The following CBLB variants were observed in gnomAD, a reference collection of about 807,000 sequenced individuals.
CBLB encodes Cbl proto-oncogene B.
Under a neutral mutation model 104.9 loss-of-function variants are expected in CBLB, and 31 were observed. The observed-to-expected ratio is 0.30, with a 90% CI of 0.22 to 0.40. CBLB has a LOEUF of 0.40. Ranked by LOEUF, CBLB falls within the 10% of genes least tolerant of loss-of-function variation. CBLB has a pLI of 1.00. For synonymous variants in CBLB, 440 were observed against 422.6 expected (o/e 1.04, Z -0.51); for missense variants, 1,062 against 1,214.6 (o/e 0.87, Z 1.87).
intron 18 of CBLB, among the ~76,000 whole-genome samples, chr3:105,668,289 G>A (rs1214272624): frequency 6.6e-6 from 1 of 152,072 alleles, no homozygotes; most frequent in Non-Finnish European, 1.5e-5. Flanking sequence ...ATGCTAATAG[G>A]GATTCATACT....
rs529883141 is a variant in CBLB at position 105,868,551 on chromosome 3, C to G, written c.-15+185G>C. 6.6e-4 allele frequency: 228 copies of G among 344,118 alleles called. 3 individuals carry two copies. In the East Asian group the frequency reaches 0.013, roughly 19 times the overall value. 21.3% of individuals were successfully genotyped at this position (344,118 alleles called of 1,614,324 possible). A position where few individuals can be genotyped will look rare whatever the true frequency, so the allele number is the denominator to read the frequency against. ...CCTCACCGCCGTCTGCCTGGACGCC[C>G]TCTCCCTCCTCCCCGGCCTGCGGGT... On this transcript the variant is annotated intron_variant, in intron 1 of 18. Transcript: ENST00000394030.
intron 12 of CBLB, among the ~76,000 whole-genome samples, chr3:105,701,233 G>A (rs546470330): frequency 6.6e-6 from 1 of 152,318 alleles, no homozygotes; most frequent in Non-Finnish European, 1.5e-5. Context: ...CATCCTTCAA[G>A]TGAGAAGTCA....
chr3:105,693,306 T>C (rs1179259673), intron 13 of CBLB, among the ~76,000 whole-genome samples, 188 bp downstream of exon 13: 8 of 152,076 alleles, frequency 5.3e-5, no homozygotes, highest in Admixed American at 3.9e-4. Flanking sequence ...GTCTCACAGA[T>C]GTTGTGGTTA....
At chr3:105,680,233 G>T (rs76454838) in intron 16 of CBLB, among the ~76,000 whole-genome samples, 3,401 of 152,234 alleles carry the variant, frequency 0.022, 89 homozygotes, top group East Asian at 0.12. Context: ...GCAAGGACAG[G>T]ATCGTCTAAG....
intron 1 of CBLB, chr3:105,868,047 G>A: frequency 2.0e-6 from 1 of 490,748 alleles, no homozygotes. Flanking sequence ...CACTCTGTTA[G>A]ATTTCTCCAA....
Position 105,685,382 on chromosome 3 carries a change from T to A in CBLB, c.2139A>T (p.Ser713=), listed in dbSNP as rs2066883722. 1 of 1,613,144 alleles carries A rather than the reference T, an allele frequency of 6.2e-7. No homozygotes were observed. The change falls in exon 14 of 19, where the codon TCA becomes TCT. Residue 713 remains serine (S), a synonymous_variant. Coordinates refer to ENST00000394030, the MANE Select transcript of CBLB (RefSeq NM_170662.5). ...GTGAATTCAGGGAAACAGGGTGGGA[T>A]GAAGGAATCTTGTATTCATCATCAT... ...EEDDDEYKIP[S]SHPVSLNSQP...
intron 2 of CBLB, among the ~76,000 whole-genome samples, chr3:105,865,692 T>C (rs1445299988): frequency 6.6e-6 from 1 of 152,232 alleles, no homozygotes; most frequent in African/African-American, 2.4e-5. Flanking sequence ...TTATAGTAAC[T>C]ATAGCTCACC....
chr3:105,665,379 C>CT (rs1223107808), intron 18 of CBLB, among the ~76,000 whole-genome samples: 1 of 143,656 alleles, frequency 7.0e-6, no homozygotes, highest in Non-Finnish European at 1.5e-5. Context: ...GAGCGAGACT[C>CT]TGTCTCCAAA....
chr3:105,678,452 C>T lies in CBLB; in HGVS notation c.2548G>A (p.Asp850Asn), dbSNP rs759470758. 6.2e-7 allele frequency: 1 copy of T among 1,613,966 alleles called. No individual in the cohort carries two copies. Among genetic ancestry groups the T allele is most frequent in the Admixed American group, 1.7e-5 (1 of 60,000 alleles). The change falls in exon 17 of 19, where the codon GAT becomes AAT. Residue 850 changes from aspartate (D) to asparagine (N), a missense_variant. This residue lies in a region of CBLB where 605 missense variants were observed against 582.6 expected (regional missense o/e 1.04). Coordinates refer to ENST00000394030, the MANE Select transcript of CBLB (RefSeq NM_170662.5). ...GSSSRPSSGQDLFLLPSDPFV... is the reference protein window; with the variant it reads ...GSSSRPSSGQNLFLLPSDPFV... The stretch of plus-strand genomic sequence containing the variant: ...CTACCTGAAGGAAGAAGAAAAAGAT[C>T]CTGTCCTGAGGATGGCCGGCTACTG...
intron 3 of CBLB, among the ~76,000 whole-genome samples, chr3:105,796,714 C>T (rs1421333442): frequency 6.6e-6 from 1 of 152,036 alleles, no homozygotes; most frequent in African/African-American, 2.4e-5. Context: ...ATCCAGAATC[C>T]ATAAGGAACT....
intron 3 of CBLB, among the ~76,000 whole-genome samples, chr3:105,845,476 A>C (rs2090128055): frequency 6.6e-6 from 1 of 151,820 alleles, no homozygotes; most frequent in South Asian, 2.1e-4. Flanking sequence ...CTAATGGTGG[A>C]ATTCATTTTA....
chr3:105,714,017 T>C (rs2071487634), intron 10 of CBLB, among the ~76,000 whole-genome samples: 1 of 152,214 alleles, frequency 6.6e-6, no homozygotes, highest in African/African-American at 2.4e-5. Flanking sequence ...TTGAGAACCA[T>C]GTTCTGCATT....
At chr3:105,734,669 C>T (rs1042378004) in intron 8 of CBLB, among the ~76,000 whole-genome samples, 2 of 152,182 alleles carry the variant, frequency 1.3e-5, no homozygotes, top group African/African-American at 4.8e-5. Flanking sequence ...CTTACTATTT[C>T]ACTTCATCTC....
chr3:105,665,390 AAAATAAAT>A (rs200538551), intron 18 of CBLB, among the ~76,000 whole-genome samples: 17 of 122,384 alleles, frequency 1.4e-4, no homozygotes, highest in Non-Finnish European at 2.3e-4. Context: ...TGTCTCCAAA[AAAATAAAT>A]AAATAAATAA....
At chr3:105,822,450 T>A (rs1577518658) in intron 3 of CBLB, among the ~76,000 whole-genome samples, 2 of 152,184 alleles carry the variant, frequency 1.3e-5, no homozygotes, top group South Asian at 4.1e-4. Context: ...ATTTTGGGTA[T>A]TATGAATTGG....
intron 3 of CBLB, among the ~76,000 whole-genome samples, chr3:105,847,613 C>CTTT (rs3996188): frequency 7.9e-5 from 12 of 151,790 alleles, no homozygotes; most frequent in South Asian, 2.1e-4. Flanking sequence ...CCTCAGTTGA[C>CTTT]TTTTTTTCCA....
At chr3:105,770,172 T>A (rs2078695950) in intron 4 of CBLB, among the ~76,000 whole-genome samples, 1 of 152,042 alleles carries the variant, frequency 6.6e-6, no homozygotes, top group Non-Finnish European at 1.5e-5. Flanking sequence ...AGAGATTCAG[T>A]GTGAATTTTT....
chr3:105,666,654 C>T (rs2064496793), intron 18 of CBLB, among the ~76,000 whole-genome samples: 1 of 152,100 alleles, frequency 6.6e-6, no homozygotes. Context: ...CCACTGCACT[C>T]CAGCCTGGGC....
intron 3 of CBLB, among the ~76,000 whole-genome samples, chr3:105,793,200 T>C (rs748532936): frequency 6.6e-6 from 1 of 150,526 alleles, no homozygotes; most frequent in Non-Finnish European, 1.5e-5. Context: ...GGCCAGAGAG[T>C]GATTTGAAAG....
Sources: allele counts gnomAD v4.1 joint callset (sites outside exome capture counted in the v4.1 genomes callset), GRCh38; gene constraint gnomAD v4.1.1; regional missense constraint gnomAD v4.1.1; transcripts MANE v1.5; gene names NCBI Gene and HGNC (gene_info 2026-07-23, HGNC 2026-07-21).